TNS3: variants seen among roughly 807,000 people sequenced by gnomAD.
TNS3 encodes the protein tensin 3.
TNS3 carries 45 observed loss-of-function variants against 140.9 expected under a neutral mutation model. The ratio of observed to expected loss-of-function variants is 0.32; its 90% confidence interval spans 0.25 to 0.41. The LOEUF (loss-of-function observed/expected upper bound fraction) is 0.41, where lower values mean the gene tolerates loss of function less well. Ranked by LOEUF, TNS3 falls within the 10% of genes least tolerant of loss-of-function variation. The probability of loss-of-function intolerance (pLI) is 1.00; values close to 1 mark genes in which losing one functional copy is unlikely to be tolerated. For synonymous variants in TNS3, 815 were observed against 788.4 expected, an observed-to-expected ratio of 1.03 and a Z score of -0.56; for missense variants, 1,716 against 1,906.7, an observed-to-expected ratio of 0.90 and a Z score of 1.86.
chr7:47,578,968 CGTT>C (rs2152030399), intron 1 of TNS3, among the ~76,000 whole-genome samples: 1 of 116,066 alleles, frequency 8.6e-6, no homozygotes, highest in East Asian at 2.6e-4. Context: ...CTTGTCTCAG[CGTT>C]TTAGGAGCAG....
rs1316254326 is a variant in TNS3 at position 47,289,025 on chromosome 7, T to A, written c.3928+2930A>T. Among the ~76,000 whole-genome samples the A allele has an allele frequency of 2.6e-5, 4 of 152,194 alleles. No individual in the cohort carries two copies. In the East Asian group the frequency reaches 5.8e-4, roughly 22 times the overall value. ...TTTTCACCTTTGTTTTGGCCACAGATAACTTATCCTATAAGGAGAGTCTAA... is the reference window on the plus strand; with the variant it reads ...TTTTCACCTTTGTTTTGGCCACAGAAAACTTATCCTATAAGGAGAGTCTAA... On this transcript the variant is annotated intron_variant, in intron 27 of 30. Transcript: ENST00000311160.
At position 47,551,539 on chromosome 7, in the gene TNS3, A is replaced by G. The variant is rs111846068; in HGVS notation, c.-264-22392T>C. 7.9e-5 allele frequency among the ~76,000 whole-genome samples: 12 copies of G among 152,330 alleles called. 2 individuals carry two copies. The highest frequency in any genetic ancestry group is 2.6e-4 in the African/African-American group (11 of 41,566). On this transcript the variant is annotated intron_variant, in intron 1 of 30. Coordinates refer to ENST00000311160, the MANE Select transcript of TNS3 (RefSeq NM_022748.12). Reference sequence around the variant, plus strand: ...TTTGGCTGGGTCAGGGTTCAAAACTACAGGCAAGGAGACCCCCAGTGGAAT... The same window carrying G: ...TTTGGCTGGGTCAGGGTTCAAAACTGCAGGCAAGGAGACCCCCAGTGGAAT...
At chr7:47,320,305 T>C (rs1787659040) in intron 20 of TNS3, among the ~76,000 whole-genome samples, 1 of 152,134 alleles carries the variant, frequency 6.6e-6, no homozygotes, top group African/African-American at 2.4e-5. Flanking sequence ...GACTCAAACA[T>C]GATTCTTGGG....
intron 17 of TNS3, among the ~76,000 whole-genome samples, chr7:47,365,123 G>A (rs545937336): frequency 2.5e-4 from 38 of 152,238 alleles, no homozygotes; most frequent in Admixed American, 3.9e-4. Flanking sequence ...ATAATAAAAC[G>A]CATTAAAGAG....
chr7:47,431,648 C>T (rs1433009126), intron 8 of TNS3, among the ~76,000 whole-genome samples: 1 of 152,088 alleles, frequency 6.6e-6, no homozygotes, highest in Non-Finnish European at 1.5e-5. Flanking sequence ...AAAGAACAAA[C>T]TAAACCCCAA....
rs1784839098 is a variant in TNS3 at position 47,275,597 on chromosome 7, A to C, written c.*2479T>G. On this transcript the variant is annotated 3_prime_UTR_variant, in exon 31 of 31. Coordinates refer to ENST00000311160, the MANE Select transcript of TNS3 (RefSeq NM_022748.12). ...GGGCTCTCTCACGGTTTCTGAGCCCACAGTACAATCTGTGATGACACACAG... is the reference window on the plus strand; with the variant it reads ...GGGCTCTCTCACGGTTTCTGAGCCCCCAGTACAATCTGTGATGACACACAG... The C allele has an allele frequency of 3.0e-6, 1 of 337,902 alleles. No individual in the cohort carries two copies. Among genetic ancestry groups the C allele is most frequent in the East Asian group, 8.1e-5 (1 of 12,374 alleles). The allele number at this position is 337,902 out of a possible 1,614,324, so 20.9% of individuals were successfully genotyped here. A position where few individuals can be genotyped will look rare whatever the true frequency, so the allele number is the denominator to read the frequency against.
At chr7:47,420,577 GC>G (rs1490609460) in intron 10 of TNS3, among the ~76,000 whole-genome samples, 40 of 152,278 alleles carry the variant, frequency 2.6e-4, no homozygotes, top group African/African-American at 9.6e-4. Flanking sequence ...CATTCGGGCA[GC>G]CCCCTCTGAG....
At chr7:47,283,620 T>C in intron 28 of TNS3, 77 bp downstream of exon 28, 1 of 1,351,842 alleles carries the variant, frequency 7.4e-7, no homozygotes. Context: ...GGATGACTAC[T>C]CACACTAGGG....
Position 47,407,033 on chromosome 7 carries a change from G to C in TNS3, c.723+4694C>G, listed in dbSNP as rs905709189. On this transcript the variant is annotated intron_variant, in intron 13 of 30. Transcript: ENST00000311160. The surrounding 1 kb of genome is among the most constrained non-coding windows in gnomAD (Gnocchi z 4.1). The stretch of plus-strand genomic sequence containing the variant: ...CCAGAAGAAGCATGAACGGGAGGAG[G>C]GGATGGCTCCCGCTCCTCTCTAGGG... Among the ~76,000 whole-genome samples the C allele has an allele frequency of 2.6e-5, 4 of 152,144 alleles. No homozygotes were observed. Among genetic ancestry groups the C allele is most frequent in the African/African-American group, 4.8e-5 (2 of 41,432 alleles).
At chr7:47,308,248 A>G (rs1786874644) in intron 20 of TNS3, among the ~76,000 whole-genome samples, 1 of 152,248 alleles carries the variant, frequency 6.6e-6, no homozygotes, top group South Asian at 2.1e-4. Flanking sequence ...ATCCAAAATC[A>G]GCCAAATGTT....
At chr7:47,307,180 T>C (rs1786810202) in intron 20 of TNS3, among the ~76,000 whole-genome samples, 1 of 152,220 alleles carries the variant, frequency 6.6e-6, no homozygotes, top group African/African-American at 2.4e-5. Flanking sequence ...CAGCCCCTTC[T>C]CCTGCTCATC....
intron 2 of TNS3, among the ~76,000 whole-genome samples, chr7:47,520,864 C>T (rs1798949256): frequency 6.6e-6 from 1 of 152,164 alleles, no homozygotes; most frequent in African/African-American, 2.4e-5. Flanking sequence ...GCTGGGCTTG[C>T]CCTCAGGGTT....
intron 4 of TNS3, among the ~76,000 whole-genome samples, chr7:47,470,254 T>G (rs753477372): frequency 6.6e-6 from 1 of 152,140 alleles, no homozygotes; most frequent in Non-Finnish European, 1.5e-5. Flanking sequence ...AAACCACCTA[T>G]TGGGTACTAT....
In TNS3 at chr7:47,415,568, G is replaced by A. The variant is rs564055206; in HGVS notation, c.474-362C>T. Among the ~76,000 whole-genome samples, 10 of 152,348 alleles carry A rather than the reference G, an allele frequency of 6.6e-5. No individual in the cohort carries two copies. In the South Asian group the frequency reaches 2.1e-3, roughly 32 times the overall value. ...CAGGAAGCAGAGGCCTGGCACACCGGTGGGCGTGTGCTCTGTCACTAGCAT... is the reference window on the plus strand; with the variant it reads ...CAGGAAGCAGAGGCCTGGCACACCGATGGGCGTGTGCTCTGTCACTAGCAT... On this transcript the variant is annotated intron_variant, in intron 10 of 30. Coordinates refer to ENST00000311160, the MANE Select transcript of TNS3 (RefSeq NM_022748.12).
At chr7:47,352,262 GTC>G (rs555659328) in intron 17 of TNS3, among the ~76,000 whole-genome samples, 622 of 152,228 alleles carry the variant, frequency 4.1e-3, no homozygotes, top group Non-Finnish European at 5.9e-3. Flanking sequence ...CACACGTGCA[GTC>G]TCTCACAGTG....
chr7:47,501,822 G>A (rs978633590), intron 3 of TNS3, among the ~76,000 whole-genome samples: 4 of 152,168 alleles, frequency 2.6e-5, no homozygotes, highest in South Asian at 2.1e-4. Context: ...GAGCCTTCAT[G>A]GGGAAGAAGA....
intron 1 of TNS3, chr7:47,539,171 TC>T: frequency 4.4e-6 from 2 of 456,110 alleles, no homozygotes. Flanking sequence ...GTACCAGGAT[TC>T]ATACTCTCTG....
Position 47,442,814 on chromosome 7 carries a change from T to C in TNS3, c.-75-759A>G, listed in dbSNP as rs1234279847. Reference sequence around the variant, plus strand: ...CCCCGAGTTGGGGGGACACAGAGCCTCCGGCACTCCTCCTGCTCCCCGATC... The same window carrying C: ...CCCCGAGTTGGGGGGACACAGAGCCCCCGGCACTCCTCCTGCTCCCCGATC... On this transcript the variant is annotated intron_variant, in intron 4 of 30. Coordinates refer to ENST00000311160, the MANE Select transcript of TNS3 (RefSeq NM_022748.12). Among the ~76,000 whole-genome samples, 4 of 152,136 alleles carry C rather than the reference T, an allele frequency of 2.6e-5. No homozygotes were observed. In the East Asian group the frequency reaches 7.7e-4, roughly 29 times the overall value.
intron 27 of TNS3, among the ~76,000 whole-genome samples, chr7:47,284,406 C>T (rs959323375): frequency 1.3e-5 from 2 of 152,190 alleles, no homozygotes; most frequent in African/African-American, 2.4e-5. Flanking sequence ...AAAAGTGGCC[C>T]GGCCTCACCT....
Sources: gnomAD v4.1 joint callset for allele counts (sites outside exome capture counted in the v4.1 genomes callset) on GRCh38, gnomAD v4.1.1 for gene constraint, Gnocchi (gnomAD v3.1) non-coding constraint, MANE v1.5 for transcripts, NCBI Gene and HGNC (gene_info 2026-07-23, HGNC 2026-07-21) for gene names.